Variants in TARS3 observed in about 807,000 individuals in gnomAD.
The protein encoded by TARS3 is threonyl-tRNA synthetase 3.
A neutral mutation model predicts 103.5 loss-of-function variants in TARS3; 94 were observed. The observed-to-expected ratio is 0.91, with a 90% CI of 0.77 to 1.08. TARS3 has a LOEUF of 1.08. TARS3 is among the 50% of genes least tolerant of loss of function. TARS3 has a pLI of 0.00. For synonymous variants in TARS3, 416 were observed against 355.4 expected (o/e 1.17, Z -1.92); for missense variants, 952 against 995.2 (o/e 0.96, Z 0.58).
intron 10 of TARS3, chr15:101,699,565 C>G (rs1452927353): frequency 2.5e-6 from 1 of 406,702 alleles, no homozygotes; most frequent in East Asian, 7.4e-5. Context: ...GACAGCACAT[C>G]CAAATCAGCA....
intron 7 of TARS3, among the ~76,000 whole-genome samples, chr15:101,705,015 T>C (rs1238533923): frequency 6.6e-6 from 1 of 152,172 alleles, no homozygotes; most frequent in Non-Finnish European, 1.5e-5. Context: ...CCAGGTCTTC[T>C]AAGGCGGTAC....
chr15:101,676,219 G>A (rs142543876), intron 12 of TARS3, among the ~76,000 whole-genome samples: 8 of 152,322 alleles, frequency 5.3e-5, no homozygotes, highest in African/African-American at 1.2e-4. Flanking sequence ...AAAGCCAGGC[G>A]AATGTATGGA....
intron 10 of TARS3, among the ~76,000 whole-genome samples, chr15:101,691,220 T>C (rs1898705634): frequency 6.6e-6 from 1 of 151,978 alleles, no homozygotes. Flanking sequence ...ATTACAGGCA[T>C]GAGCCACTGC....
At chr15:101,679,890 C>T (rs1246591509) in intron 12 of TARS3, among the ~76,000 whole-genome samples, 1 of 152,186 alleles carries the variant, frequency 6.6e-6, no homozygotes, top group Non-Finnish European at 1.5e-5. Flanking sequence ...TTCTGGGTTG[C>T]ACAGGTGTTC....
chr15:101,690,271 C>A lies in TARS3; in HGVS notation c.1321-4209G>T, dbSNP rs545662090. The stretch of plus-strand genomic sequence containing the variant: ...TCCCCAAAGCTGACTTCTGTGGGCT[C>A]CGCACAAGGCTTACTTGCTGTGATT... On this transcript the variant is annotated intron_variant, in intron 10 of 18. Transcript: ENST00000335968. 9.8e-5 allele frequency among the ~76,000 whole-genome samples: 15 copies of A among 152,296 alleles called. No homozygotes were observed. The South Asian group carries it at 2.9e-3, about 29-fold the overall frequency.
In TARS3 at chr15:101,705,754, A is replaced by G; in HGVS notation, c.931-7T>C. 1 of 1,593,722 alleles carries G rather than the reference A, an allele frequency of 6.3e-7. No homozygotes were observed. The highest frequency in any genetic ancestry group is 8.6e-7 in the Non-Finnish European group (1 of 1,164,780). ...GGCATTTAAATTTATTGTACTACGA[A>G]GAAAAACATATTTACACATTATTAC... is the stretch of plus-strand genomic sequence containing the variant. On this transcript the variant is annotated splice_polypyrimidine_tract_variant and splice_region_variant and intron_variant, in intron 6 of 18. Coordinates refer to ENST00000335968, the MANE Select transcript of TARS3 (RefSeq NM_152334.3).
chr15:101,672,525 G>A (rs1212058518), intron 13 of TARS3, among the ~76,000 whole-genome samples: 1 of 152,088 alleles, frequency 6.6e-6, no homozygotes, highest in African/African-American at 2.4e-5. Flanking sequence ...GCAGACTTGG[G>A]AGTGACGCGC....
At chr15:101,668,470 A>G (rs1241857723) in intron 15 of TARS3, among the ~76,000 whole-genome samples, 1 of 152,166 alleles carries the variant, frequency 6.6e-6, no homozygotes, top group East Asian at 1.9e-4. Flanking sequence ...GTAATATCAA[A>G]TATCACTAAT....
intron 15 of TARS3, among the ~76,000 whole-genome samples, chr15:101,666,111 T>C (rs1344703148): frequency 6.6e-6 from 1 of 152,214 alleles, no homozygotes; most frequent in Non-Finnish European, 1.5e-5. Flanking sequence ...ATAAATTTTA[T>C]TTCATGTCTA....
chr15:101,680,602 G>A (rs1430734945), intron 12 of TARS3, among the ~76,000 whole-genome samples: 1 of 152,186 alleles, frequency 6.6e-6, no homozygotes, highest in Admixed American at 6.5e-5. Flanking sequence ...GAAAGCACCT[G>A]CTTCATCTTC....
At chr15:101,683,980 G>A in intron 12 of TARS3, 95 bp downstream of exon 12, 6 of 1,284,666 alleles carry the variant, frequency 4.7e-6, no homozygotes, top group Non-Finnish European at 6.3e-6. Flanking sequence ...TAGACCAAAC[G>A]TCTATGTTTC....
At chr15:101,713,393 G>C (rs973537391) in intron 4 of TARS3, among the ~76,000 whole-genome samples, 2 of 152,172 alleles carry the variant, frequency 1.3e-5, no homozygotes, top group Admixed American at 6.6e-5. Context: ...ATGCATTAAA[G>C]GGTTTTAAGC....
chr15:101,676,952 C>A (rs1383779634), intron 12 of TARS3, among the ~76,000 whole-genome samples: 1 of 152,116 alleles, frequency 6.6e-6, no homozygotes, highest in African/African-American at 2.4e-5. Context: ...TCCTGATGCT[C>A]TCCCTCCCTC....
intron 7 of TARS3, among the ~76,000 whole-genome samples, chr15:101,704,233 A>G (rs1436430930): frequency 6.6e-6 from 1 of 152,230 alleles, no homozygotes; most frequent in Admixed American, 6.5e-5. Flanking sequence ...CAAACACGAA[A>G]ATGTCATCTC....
chr15:101,667,116 A>C (rs1897610584), intron 15 of TARS3, among the ~76,000 whole-genome samples: 1 of 152,184 alleles, frequency 6.6e-6, no homozygotes, highest in Non-Finnish European at 1.5e-5. Context: ...TAATCTTTTG[A>C]AATGAATCTT....
intron 10 of TARS3, among the ~76,000 whole-genome samples, chr15:101,696,643 A>G (rs150096208): frequency 6.6e-6 from 1 of 152,216 alleles, no homozygotes; most frequent in Non-Finnish European, 1.5e-5. Context: ...TCCCCAACTG[A>G]CTGAACAGAC....
chr15:101,718,959 A>G (rs530763920), intron 3 of TARS3, among the ~76,000 whole-genome samples: 11 of 152,192 alleles, frequency 7.2e-5, no homozygotes, highest in Non-Finnish European at 1.3e-4. Context: ...GAGCTGTGGA[A>G]ACTGCACAGA....
chr15:101,677,378 T>C (rs1479008046), intron 12 of TARS3, among the ~76,000 whole-genome samples: 1 of 152,194 alleles, frequency 6.6e-6, no homozygotes, highest in African/African-American at 2.4e-5. Flanking sequence ...TCTCAGACAC[T>C]GGAGCTCCTG....
chr15:101,712,147 G>A lies in TARS3; in HGVS notation c.691-146C>T, dbSNP rs1030574293. The A allele has an allele frequency of 2.5e-5, 21 of 836,290 alleles. No individual in the cohort carries two copies. In the East Asian group the frequency reaches 4.4e-4, roughly 17 times the overall value. The allele number at this position is 836,290 out of a possible 1,614,324, so 51.8% of individuals were successfully genotyped here. On this transcript the variant is annotated intron_variant, in intron 4 of 18. Coordinates refer to ENST00000335968, the MANE Select transcript of TARS3 (RefSeq NM_152334.3). ...ACATCAACTTGAAAGGAAAATCTTC[G>A]ATGCCCACTTAGAAGAGAATGCTTT...
Sources: gnomAD v4.1 joint callset for allele counts (sites outside exome capture counted in the v4.1 genomes callset) on GRCh38, gnomAD v4.1.1 for gene constraint, MANE v1.5 for transcripts, NCBI Gene and HGNC (gene_info 2026-07-23, HGNC 2026-07-21) for gene names.